Variants in LARP4B observed in about 807,000 individuals in gnomAD.
LARP4B encodes La ribonucleoprotein 4B, also known as la-related protein 4B.
LARP4B carries 12 observed loss-of-function variants against 89.8 expected under a neutral mutation model. That is an observed-to-expected ratio of 0.13 (90% CI 0.09 to 0.22). The LOEUF (loss-of-function observed/expected upper bound fraction) is 0.22. Ranked by LOEUF, LARP4B falls within the 10% of genes least tolerant of loss-of-function variation. The probability of loss-of-function intolerance (pLI) is 1.00; values close to 1 mark genes in which losing one functional copy is unlikely to be tolerated. For synonymous variants in LARP4B, 367 were observed against 363.3 expected (o/e 1.01, Z -0.12); for missense variants, 757 against 947.7 (o/e 0.80, Z 2.64).
At chr10:902,101 G>A (rs994057668) in intron 1 of LARP4B, among the ~76,000 whole-genome samples, 16 of 152,242 alleles carry the variant, frequency 1.1e-4, no homozygotes, top group African/African-American at 3.9e-4. Context: ...ACAATCTTTT[G>A]AAAAGACCAT....
chr10:815,439 C>T (rs1179432384), intron 15 of LARP4B: 2 of 161,934 alleles, frequency 1.2e-5, no homozygotes, highest in African/African-American at 2.4e-5. Context: ...AGTGTCGAAT[C>T]CTAACACAGT....
chr10:930,912 G>A (rs1589000237), intron 1 of LARP4B, among the ~76,000 whole-genome samples: 1 of 151,062 alleles, frequency 6.6e-6, no homozygotes, highest in Non-Finnish European at 1.5e-5. Flanking sequence ...GGCTGGCGCC[G>A]CACTGCGGGT....
At chr10:827,241 A>G (rs192732788) in intron 11 of LARP4B, among the ~76,000 whole-genome samples, 2 of 151,888 alleles carry the variant, frequency 1.3e-5, no homozygotes, top group African/African-American at 4.8e-5. Context: ...CGGCCACTGC[A>G]CTCCAGCCTG....
intron 11 of LARP4B, among the ~76,000 whole-genome samples, chr10:829,098 G>C (rs988732326): frequency 6.6e-6 from 1 of 152,194 alleles, no homozygotes; most frequent in African/African-American, 2.4e-5. Context: ...ACTCTGTGTA[G>C]GGGACGCCAG....
the LARP4B span, among the ~76,000 whole-genome samples, chr10:962,357 G>GGGGGC: frequency 6.7e-6 from 1 of 149,358 alleles, no homozygotes; most frequent in African/African-American, 2.5e-5. Flanking sequence ...CCAACAATAT[G>GGGGGC]ACTTCATTTA....
At chr10:947,126 T>C in the LARP4B span, among the ~76,000 whole-genome samples, 1 of 152,132 alleles carries the variant, frequency 6.6e-6, no homozygotes, top group Non-Finnish European at 1.5e-5. Context: ...CACCTCAGTC[T>C]CCCAAAGTGC....
the LARP4B span, among the ~76,000 whole-genome samples, chr10:975,653 C>G: frequency 6.6e-6 from 1 of 152,220 alleles, no homozygotes; most frequent in East Asian, 1.9e-4. Context: ...GTGGGAAACA[C>G]AATAGGAAGG....
intron 15 of LARP4B, 104 bp downstream of exon 15, chr10:817,621 G>C: frequency 8.8e-7 from 1 of 1,141,338 alleles, no homozygotes; most frequent in Non-Finnish European, 1.3e-6. Context: ...AGCCTCTCTT[G>C]AGTATTAAAA....
chr10:870,992 C>A lies in LARP4B; in HGVS notation c.142-6722G>T, dbSNP rs148872982. ...TTCAAAATCAGCGTTCTCTGTTGCA[C>A]TAGAACTAACACAGGAGAGTACATC... On this transcript the variant is annotated intron_variant, in intron 3 of 17. Transcript: ENST00000316157. Among the ~76,000 whole-genome samples the A allele has an allele frequency of 3.3e-5, 5 of 152,336 alleles. No individual in the cohort carries two copies. The East Asian group carries it at 7.7e-4, about 23-fold the overall frequency.
At position 810,915 on chromosome 10, in the gene LARP4B, G is replaced by GA. The variant is rs1831723413; in HGVS notation, c.*2010dup. 1.3e-5 allele frequency: 2 copies of GA among 152,132 alleles called. No homozygotes were observed. The highest frequency in any genetic ancestry group is 1.3e-4 in the Admixed American group (2 of 15,266). The allele number at this position is 152,132 out of a possible 1,614,324, so 9.4% of individuals were successfully genotyped here. On this transcript the variant is annotated 3_prime_UTR_variant, in exon 18 of 18. Transcript: ENST00000316157. ...TTGAATAATGGCAACTGCTTTAAAG[G>GA]AAATGGTCAAATAGGCATGTTTTCC...
intron 1 of LARP4B, among the ~76,000 whole-genome samples, chr10:916,164 A>G (rs561934494): frequency 5.9e-5 from 9 of 152,266 alleles, no homozygotes; most frequent in African/African-American, 2.2e-4. Flanking sequence ...TGAAATCCTG[A>G]TATGTCTTGA....
At chr10:971,505 T>C in the LARP4B span, 1 of 152,252 alleles carries the variant, frequency 6.6e-6, no homozygotes, top group African/African-American at 2.4e-5. Context: ...TTTCTGATTT[T>C]GATTATGTAT....
chr10:819,774 G>C (rs1046707821), intron 14 of LARP4B: 4 of 152,208 alleles, frequency 2.6e-5, no homozygotes, highest in African/African-American at 9.7e-5. Flanking sequence ...ACAAAAACTA[G>C]ACTAAGCCGA....
chr10:828,920 G>C (rs1160113814), intron 11 of LARP4B, among the ~76,000 whole-genome samples: 4 of 152,170 alleles, frequency 2.6e-5, no homozygotes, highest in African/African-American at 9.7e-5. Flanking sequence ...TCCAACCATA[G>C]GCCTTAACAA....
At chr10:949,380 C>T in the LARP4B span, among the ~76,000 whole-genome samples, 2 of 151,952 alleles carry the variant, frequency 1.3e-5, no homozygotes, top group African/African-American at 4.8e-5. Context: ...CCACCAGCCC[C>T]GTGTGAGTGA....
intron 17 of LARP4B, 58 bp from the exon 18 acceptor site, chr10:813,271 G>A (rs1831840983): frequency 2.7e-6 from 4 of 1,472,812 alleles, no homozygotes; most frequent in African/African-American, 2.9e-5. Context: ...GGACAAGACA[G>A]GAAATCAAGT....
At chr10:863,133 C>T (rs1834709722) in intron 5 of LARP4B, among the ~76,000 whole-genome samples, 1 of 152,218 alleles carries the variant, frequency 6.6e-6, no homozygotes, top group Non-Finnish European at 1.5e-5. Context: ...TCTCTATCCC[C>T]CTCCCTTTAC....
chr10:819,784 A>G (rs1832250516), intron 14 of LARP4B: 1 of 152,234 alleles, frequency 6.6e-6, no homozygotes, highest in South Asian at 2.1e-4. Context: ...GACTAAGCCG[A>G]CCTCATGAAA....
chr10:816,076 A>C (rs1832039633), intron 15 of LARP4B, among the ~76,000 whole-genome samples: 1 of 152,138 alleles, frequency 6.6e-6, no homozygotes, highest in Non-Finnish European at 1.5e-5. Flanking sequence ...TAATAATACA[A>C]AAATTAGCCG....
Sources: gnomAD v4.1 joint callset for allele counts (sites outside exome capture counted in the v4.1 genomes callset) on GRCh38, gnomAD v4.1.1 for gene constraint, MANE v1.5 for transcripts, NCBI Gene and HGNC (gene_info 2026-07-23, HGNC 2026-07-21) for gene names.